Variants in SESTD1 observed in about 807,000 individuals in gnomAD.
SESTD1 encodes SEC14 and spectrin domain containing 1.
A neutral mutation model predicts 101.7 loss-of-function variants in SESTD1; 43 were observed. That is an observed-to-expected ratio of 0.42 (90% CI 0.33 to 0.55). SESTD1 has a LOEUF of 0.55. Among genes scored for constraint, SESTD1 ranks in the 20% least tolerant of loss-of-function variants. The probability of loss-of-function intolerance (pLI) is 0.07; values close to 1 mark genes in which losing one functional copy is unlikely to be tolerated. For synonymous variants in SESTD1, 283 were observed against 286.8 expected (o/e 0.99, Z 0.13); for missense variants, 647 against 815.1 (o/e 0.79, Z 2.51).
At chr2:179,149,432 TTAAAAA>T in intron 6 of SESTD1, 38 bp from the exon 7 acceptor site, 1 of 1,344,004 alleles carries the variant, frequency 7.4e-7, no homozygotes. Flanking sequence ...AAGAACAGTC[TTAAAAA>T]TTAATATGTA....
rs369553546 is a variant in SESTD1, at chr2:179,187,470, T to A, written c.56-4282A>T. On this transcript the variant is annotated intron_variant, in intron 2 of 17. Coordinates refer to ENST00000428443, the MANE Select transcript of SESTD1 (RefSeq NM_178123.5). ...AAGGACACCTGTCTCTACAAAAAAA[T>A]TAAAAATGAGAAAATTAGCTGGGCA... Among the ~76,000 whole-genome samples, 65 of 152,072 alleles carry A rather than the reference T, an allele frequency of 4.3e-4. 1 individual carries two copies. The South Asian group carries it at 0.011, about 25-fold the overall frequency.
At chr2:179,120,294 G>A (rs1212175270) in intron 13 of SESTD1, among the ~76,000 whole-genome samples, 1 of 152,036 alleles carries the variant, frequency 6.6e-6, no homozygotes, top group East Asian at 1.9e-4. Context: ...ATGCAAGAAT[G>A]GACTAATACA....
chr2:179,130,208 C>A (rs1449212639), intron 10 of SESTD1, among the ~76,000 whole-genome samples: 5 of 152,028 alleles, frequency 3.3e-5, no homozygotes, highest in South Asian at 2.1e-4. Flanking sequence ...GAGAAAGGAT[C>A]CCCCCTGGGT....
chr2:179,113,972 G>A (rs1323446497), intron 16 of SESTD1, among the ~76,000 whole-genome samples: 3 of 151,752 alleles, frequency 2.0e-5, no homozygotes, highest in African/African-American at 4.8e-5. Flanking sequence ...AGGGTGGGGG[G>A]AGCTTCTGGG....
At chr2:179,141,631 A>G (rs920354905) in intron 9 of SESTD1, among the ~76,000 whole-genome samples, 1 of 152,050 alleles carries the variant, frequency 6.6e-6, no homozygotes, top group Non-Finnish European at 1.5e-5. Flanking sequence ...TTAAGTAGGT[A>G]TTATTGTTGT....
chr2:179,212,908 A>T (rs1197766048), intron 1 of SESTD1, among the ~76,000 whole-genome samples: 1 of 135,060 alleles, frequency 7.4e-6, no homozygotes, highest in Non-Finnish European at 1.6e-5. Flanking sequence ...GAGGGACCTG[A>T]CTGTTAGAAG....
intron 1 of SESTD1, among the ~76,000 whole-genome samples, chr2:179,225,779 C>T (rs368538962): frequency 2.6e-5 from 4 of 152,282 alleles, no homozygotes; most frequent in African/African-American, 9.6e-5. Context: ...CAATCTTGAG[C>T]CCTTTTATAA....
intron 1 of SESTD1, among the ~76,000 whole-genome samples, chr2:179,193,922 C>T (rs1311872588): frequency 6.6e-6 from 1 of 152,174 alleles, no homozygotes; most frequent in African/African-American, 2.4e-5. Flanking sequence ...ACAGCTTGAC[C>T]TTTTCTGTTG....
rs2044640733 is a variant in SESTD1, at chr2:179,116,692, A to G, written c.1623T>C (p.His541=). Residue 541 remains histidine (H), a synonymous_variant, in exon 15 of 18, where the codon CAT becomes CAC. Transcript: ENST00000428443. The stretch of plus-strand genomic sequence containing the variant: ...CCTGTGCAACATCAACAAATTTTCT[A>G]TGCTTTTCCAGCAAAACTTTCGTTT... ...AQETKVLLEK[H]RKFVDVAQST... The G allele has an allele frequency of 5.0e-6, 8 of 1,614,016 alleles. No homozygotes were observed. Among genetic ancestry groups the G allele is most frequent in the East Asian group, 2.2e-5 (1 of 44,880 alleles).
At chr2:179,155,778 G>A (rs370294092) in intron 5 of SESTD1, among the ~76,000 whole-genome samples, 3 of 152,166 alleles carry the variant, frequency 2.0e-5, no homozygotes. Context: ...GGTACAGTCA[G>A]TGTTTAGTTA....
intron 1 of SESTD1, among the ~76,000 whole-genome samples, chr2:179,248,796 G>A (rs560933614): frequency 6.6e-6 from 1 of 151,980 alleles, no homozygotes; most frequent in South Asian, 2.1e-4. Context: ...TAAAGAATAT[G>A]GCAGCCAGGC....
At chr2:179,255,429 GA>G (rs1365058436) in intron 1 of SESTD1, among the ~76,000 whole-genome samples, 2 of 152,208 alleles carry the variant, frequency 1.3e-5, no homozygotes, top group African/African-American at 4.8e-5. Context: ...TTAATATGGA[GA>G]AAGGTCCAGT....
At chr2:179,229,782 TACACACACACACACACAC>T (rs141203169) in intron 1 of SESTD1, among the ~76,000 whole-genome samples, 1 of 115,458 alleles carries the variant, frequency 8.7e-6, no homozygotes, top group African/African-American at 3.1e-5. Context: ...TATACTCAAA[TACACACACACACACACAC>T]ACACACACAC....
At chr2:179,214,603 T>A (rs1172732739) in intron 1 of SESTD1, among the ~76,000 whole-genome samples, 1 of 133,974 alleles carries the variant, frequency 7.5e-6, no homozygotes, top group Non-Finnish European at 1.6e-5. Context: ...AACAAGGATA[T>A]CCAGGACTTG....
chr2:179,262,905 A>C (rs2047503050), intron 1 of SESTD1, among the ~76,000 whole-genome samples: 1 of 152,212 alleles, frequency 6.6e-6, no homozygotes, highest in Admixed American at 6.5e-5. Context: ...TACATTCTGC[A>C]TTCTGTTGTC....
intron 11 of SESTD1, among the ~76,000 whole-genome samples, 186 bp downstream of exon 11, chr2:179,124,178 C>T (rs1175015999): frequency 6.6e-6 from 1 of 151,764 alleles, no homozygotes; most frequent in Non-Finnish European, 1.5e-5. Flanking sequence ...GAATTGCATG[C>T]AGAATGACTT....
chr2:179,118,349 T>C (rs2044679153), intron 13 of SESTD1, among the ~76,000 whole-genome samples: 1 of 152,300 alleles, frequency 6.6e-6, no homozygotes, highest in African/African-American at 2.4e-5. Context: ...AATATAACCA[T>C]TTAAATTTTT....
intron 1 of SESTD1, among the ~76,000 whole-genome samples, chr2:179,196,981 A>G (rs2046408814): frequency 6.6e-6 from 1 of 152,254 alleles, no homozygotes; most frequent in Admixed American, 6.5e-5. Flanking sequence ...GAGCTGAGAG[A>G]AGAAGGCTTC....
In SESTD1 at chr2:179,204,708, A is replaced by C. The variant is rs1156771196; in HGVS notation, c.-25-12842T>G. On this transcript the variant is annotated intron_variant, in intron 1 of 17. Transcript: ENST00000428443. Reference sequence around the variant, plus strand: ...CATGCCACTGCCTTGATTCATGCTAAGGCACCAGCACTTTTTCCCACCAAT... The same window carrying C: ...CATGCCACTGCCTTGATTCATGCTACGGCACCAGCACTTTTTCCCACCAAT... 1.5e-5 allele frequency among the ~76,000 whole-genome samples: 2 copies of C among 135,250 alleles called. 1 individual carries two copies. The highest frequency in any genetic ancestry group is 5.8e-5 in the African/African-American group (2 of 34,246). The allele number at this position is 135,250 out of a possible 152,430, so 88.7% of individuals were successfully genotyped here.
Sources: allele counts gnomAD v4.1 joint callset (sites outside exome capture counted in the v4.1 genomes callset), GRCh38; gene constraint gnomAD v4.1.1; transcripts MANE v1.5; gene names NCBI Gene and HGNC (gene_info 2026-07-23, HGNC 2026-07-21).